Variants in ARID3C observed in about 807,000 individuals in gnomAD.
The protein encoded by ARID3C is AT-rich interactive domain-containing protein 3C.
In ARID3C, 42 loss-of-function variants were observed where a neutral mutation model predicts 37.9. The ratio of observed to expected loss-of-function variants is 1.11; its 90% CI spans 0.87 to 1.43. The LOEUF is 1.43. ARID3C is among the 40% of genes most tolerant of loss of function. The pLI is 0.00. For synonymous variants in ARID3C, 213 were observed against 228.0 expected (o/e 0.93, Z 0.59); for missense variants, 581 against 548.8 (o/e 1.06, Z -0.59).
intron 2 of ARID3C, 129 bp from the exon 4 acceptor site, chr9:34,624,176 AC>A: frequency 9.6e-7 from 1 of 1,038,268 alleles, no homozygotes. Flanking sequence ...AGCCCACAGA[AC>A]CCCAGGGTCT....
At chr9:34,622,429 T>G in exon 5 of ARID3C, 5 of 1,613,984 alleles carry the variant, frequency 3.1e-6, no homozygotes, top group Non-Finnish European at 4.2e-6. Flanking sequence ...TCAGCACAGC[T>G]CTCTTCTCTG....
At chr9:34,624,933 A>G (rs945180693) in intron 2 of ARID3C, among the ~76,000 whole-genome samples, 1 of 152,282 alleles carries the variant, frequency 6.6e-6, no homozygotes, top group Non-Finnish European at 1.5e-5. Context: ...CACTGGAACC[A>G]GAATGGGCCT....
At chr9:34,627,396 A>C (rs1389232065) in intron 1 of ARID3C, among the ~76,000 whole-genome samples, 4 of 152,140 alleles carry the variant, frequency 2.6e-5, no homozygotes, top group Non-Finnish European at 5.9e-5. Flanking sequence ...TAATCTCAGC[A>C]CTTTGGGAAG....
chr9:34,621,303 T>A, downstream of ARID3C: 1 of 531,194 alleles, frequency 1.9e-6, no homozygotes, highest in Non-Finnish European at 3.2e-6. Context: ...AGGTGTAACA[T>A]CAAAAGAAAC....
At chr9:34,622,469 G>A in exon 5 of ARID3C, 1 of 1,614,022 alleles carries the variant, frequency 6.2e-7, no homozygotes, top group Non-Finnish European at 8.5e-7. Flanking sequence ...TTTCTCCCGT[G>A]TAGGTCCCAG....
chr9:34,622,104 G>T (rs748000904), exon 6 of ARID3C: 2 of 1,613,892 alleles, frequency 1.2e-6, no homozygotes, highest in South Asian at 1.1e-5. Flanking sequence ...CCATCCAGCC[G>T]CTCTTCTGTC....
At chr9:34,625,144 CAGAG>C (rs1820637517) in intron 2 of ARID3C, among the ~76,000 whole-genome samples, 2 of 152,076 alleles carry the variant, frequency 1.3e-5, no homozygotes, top group African/African-American at 2.4e-5. Flanking sequence ...ATTAGCTTTG[CAGAG>C]AGAGATAATG....
intron 2 of ARID3C, among the ~76,000 whole-genome samples, chr9:34,625,458 C>T (rs576134888): frequency 1.3e-5 from 2 of 152,312 alleles, no homozygotes; most frequent in South Asian, 2.1e-4. Flanking sequence ...CCAAGGCATT[C>T]TCAGCCCTCT....
upstream of ARID3C, among the ~76,000 whole-genome samples, chr9:34,630,199 C>T (rs1820710901): frequency 1.3e-5 from 2 of 152,208 alleles, no homozygotes; most frequent in Admixed American, 6.5e-5. Context: ...GCCTGACTGC[C>T]ACATCTGTAT....
chr9:34,622,052 A>C (rs1175148882), exon 6 of ARID3C: 4 of 1,614,136 alleles, frequency 2.5e-6, no homozygotes, highest in Non-Finnish European at 2.5e-6. Context: ...CTCTAGGGCC[A>C]TGTTGATACT....
intron 1 of ARID3C, among the ~76,000 whole-genome samples, chr9:34,626,673 C>A (rs772455510): frequency 1.3e-5 from 2 of 152,154 alleles, no homozygotes; most frequent in African/African-American, 2.4e-5. Context: ...GAGTAATAAA[C>A]CCCAGATCCA....
Position 34,622,627 on chromosome 9 carries a change from T to G in ARID3C, c.866-98A>C, listed in dbSNP as rs945571567. On this transcript the variant is annotated intron_variant, in intron 4 of 6. Coordinates refer to ENST00000378909, the Ensembl canonical transcript of ARID3C. ...GACCAAAAGAGGTAACTCAAGCTCA[T>G]GTACCAATCTCTCATCCTTCATTCG... The G allele has an allele frequency of 3.3e-6, 4 of 1,230,028 alleles. No individual in the cohort carries two copies. The East Asian group carries it at 7.2e-5, about 22-fold the overall frequency. The allele number at this position is 1,230,028 out of a possible 1,614,324, so 76.2% of individuals were successfully genotyped here.
At chr9:34,625,674 C>T in intron 2 of ARID3C, 68 bp downstream of exon 3, 2 of 1,580,532 alleles carry the variant, frequency 1.3e-6, no homozygotes, top group South Asian at 1.1e-5. Context: ...AGGGAGAACC[C>T]AACCGGGTTT....
At chr9:34,629,788 T>C (rs1377942965), upstream of ARID3C, among the ~76,000 whole-genome samples, 1 of 152,114 alleles carries the variant, frequency 6.6e-6, no homozygotes, top group Non-Finnish European at 1.5e-5. Context: ...ACAGAGTCTC[T>C]GTCACCCAGG....
rs1409278522 is a variant in ARID3C at position 34,625,790 on chromosome 9, TG to T, written c.342del (p.Lys115ArgfsTer20). The T allele has an allele frequency of 5.6e-6, 9 of 1,613,926 alleles. No individual in the cohort carries two copies. Among genetic ancestry groups the T allele is most frequent in the Admixed American group, 3.3e-5 (2 of 60,000 alleles). ...AGGTCATCCAGAAATTCCTTCCTCT[TG>T]GGGTCTGCATCGAGCTCATACAGCT... On this transcript the variant is annotated frameshift_variant, in exon 2 of 7. Transcript: ENST00000378909. LOFTEE classifies it high-confidence loss of function.
upstream of ARID3C, among the ~76,000 whole-genome samples, chr9:34,629,262 A>C (rs1564092504): frequency 6.6e-6 from 1 of 152,010 alleles, no homozygotes; most frequent in African/African-American, 2.4e-5. Context: ...CCGCCACCGG[A>C]CTCCGGACCA....
intron 1 of ARID3C, among the ~76,000 whole-genome samples, chr9:34,627,489 T>G (rs1040587508): frequency 1.6e-4 from 24 of 152,058 alleles, no homozygotes; most frequent in Admixed American, 1.6e-3. Flanking sequence ...CAAAAGAAAT[T>G]TTAAAAAATT....
Position 34,622,638 on chromosome 9 carries a change from CTCATCCT to C in ARID3C, c.866-116_866-110del. ...GTAACTCAAGCTCATGTACCAATCT[CTCATCCT>C]TCATTCGATCTATCTTCCCATCCAG... On this transcript the variant is annotated intron_variant, in intron 4 of 6. Transcript: ENST00000378909. 4.4e-6 allele frequency: 5 copies of C among 1,134,368 alleles called. No homozygotes were observed. In the East Asian group the frequency reaches 1.2e-4, roughly 28 times the overall value. 70.3% of individuals were successfully genotyped at this position (1,134,368 alleles called of 1,614,324 possible). A position where few individuals can be genotyped will look rare whatever the true frequency, so the allele number is the denominator to read the frequency against.
chr9:34,623,819 C>A (rs1055660969), intron 3 of ARID3C, 45 bp downstream of exon 4: 4 of 1,462,372 alleles, frequency 2.7e-6, no homozygotes, highest in Non-Finnish European at 3.7e-6. Context: ...CCGCCCCAGG[C>A]CGAACCCGTG....
Sources: gnomAD v4.1 joint callset for allele counts (sites outside exome capture counted in the v4.1 genomes callset) on GRCh38, gnomAD v4.1.1 for gene constraint, MANE v1.5 for transcripts, NCBI Gene and HGNC (gene_info 2026-07-23, HGNC 2026-07-21) for gene names.